Variants in EHD1 observed in about 807,000 individuals in gnomAD.
EHD1 encodes the protein EH domain containing 1, also known as EH domain-containing protein 1.
EHD1 carries 19 observed loss-of-function variants against 39.0 expected under a neutral mutation model. The observed-to-expected ratio is 0.49, with a 90% CI of 0.34 to 0.72. The LOEUF is 0.72. EHD1 is among the 30% of genes least tolerant of loss of function. The pLI, the probability that EHD1 is intolerant of heterozygous loss-of-function variation, is 0.01. For synonymous variants in EHD1, 323 were observed against 331.2 expected, an observed-to-expected ratio of 0.98 and a Z score of 0.27; for missense variants, 542 against 751.5, an observed-to-expected ratio of 0.72 and a Z score of 3.26.
chr11:64,878,542 G>A lies in EHD1; in HGVS notation c.-78C>T, dbSNP rs1265048948. The A allele has an allele frequency of 1.4e-6, 2 of 1,480,092 alleles. No homozygotes were observed. Among genetic ancestry groups the A allele is most frequent in the Non-Finnish European group, 1.8e-6 (2 of 1,119,320 alleles). The allele number at this position is 1,480,092 out of a possible 1,614,324, so 91.7% of individuals were successfully genotyped here. ...GGCGAGGGTGCGGAGCCGAGGCGGGGCCGGCCGGGGCAGGGAATCGGGAGC... is the reference window on the plus strand; with the variant it reads ...GGCGAGGGTGCGGAGCCGAGGCGGGACCGGCCGGGGCAGGGAATCGGGAGC... On this transcript the variant is annotated 5_prime_UTR_variant, in exon 1 of 5. Transcript: ENST00000320631.
chr11:64,876,256 T>G (rs554553844), intron 1 of EHD1, among the ~76,000 whole-genome samples: 2 of 152,036 alleles, frequency 1.3e-5, no homozygotes, highest in Non-Finnish European at 2.9e-5. Context: ...ACTCAATGAG[T>G]CTCTTCAAGA....
At chr11:64,870,982 C>T (rs1473759420) in intron 2 of EHD1, among the ~76,000 whole-genome samples, 1 of 152,224 alleles carries the variant, frequency 6.6e-6, no homozygotes, top group Non-Finnish European at 1.5e-5. Flanking sequence ...CTGACAGAGC[C>T]TGGCTGCATC....
chr11:64,877,583 G>A lies in EHD1; in HGVS notation c.404+478C>T, dbSNP rs192060212. Among the ~76,000 whole-genome samples, 185 of 152,334 alleles carry A rather than the reference G, an allele frequency of 1.2e-3. 2 individuals carry two copies. Among genetic ancestry groups the A allele is most frequent in the African/African-American group, 4.3e-3 (178 of 41,568 alleles). ...CCTCCTACACAAAACCACCGTCCCAGGGGAGGCAGAGCAGACCCACACCGC... is the reference window on the plus strand; with the variant it reads ...CCTCCTACACAAAACCACCGTCCCAAGGGAGGCAGAGCAGACCCACACCGC... On this transcript the variant is annotated intron_variant, in intron 1 of 4. Transcript: ENST00000320631.
intron 2 of EHD1, among the ~76,000 whole-genome samples, chr11:64,871,060 C>A (rs941004684): frequency 1.3e-5 from 2 of 152,072 alleles, no homozygotes; most frequent in African/African-American, 2.4e-5. Flanking sequence ...CACATTAGGA[C>A]CATGGGGAAA....
At chr11:64,859,671 C>T in intron 3 of EHD1, 1 of 517,790 alleles carries the variant, frequency 1.9e-6, no homozygotes, top group Non-Finnish European at 3.4e-6. Context: ...CAAACCCTTC[C>T]TGAAAGTAGA....
intron 2 of EHD1, among the ~76,000 whole-genome samples, chr11:64,867,580 G>A (rs899423480): frequency 3.3e-5 from 5 of 151,686 alleles, no homozygotes; most frequent in Non-Finnish European, 2.9e-5. Context: ...TTAGCTGGGC[G>A]TGGTGGCAGG....
At chr11:64,856,843 C>T (rs929905167) in intron 3 of EHD1, among the ~76,000 whole-genome samples, 2 of 152,344 alleles carry the variant, frequency 1.3e-5, no homozygotes, top group South Asian at 2.1e-4. Context: ...GTTTTCCAGG[C>T]GCGGTGACTC....
Position 64,852,128 on chromosome 11 carries a change from T to A in EHD1, c.*2205A>T, listed in dbSNP as rs1172370543. 1.3e-5 allele frequency: 2 copies of A among 152,312 alleles called. No homozygotes were observed. Among genetic ancestry groups the A allele is most frequent in the Non-Finnish European group, 2.9e-5 (2 of 68,100 alleles). The allele number at this position is 152,312 out of a possible 1,614,324, so 9.4% of individuals were successfully genotyped here. A position where few individuals can be genotyped will look rare whatever the true frequency, so the allele number is the denominator to read the frequency against. ...GAGGGGCTGGAGCAGCCTCTACCCA[T>A]GGCACCTCAAGTCTGCACCCTTTTA... On this transcript the variant is annotated 3_prime_UTR_variant, in exon 5 of 5. Transcript: ENST00000320631.
upstream of EHD1, chr11:64,879,671 C>A: frequency 6.4e-7 from 1 of 1,550,456 alleles, no homozygotes; most frequent in Non-Finnish European, 8.7e-7. Context: ...CACACACAGA[C>A]CCCTTTGGCT....
At chr11:64,859,846 C>T in intron 3 of EHD1, 78 bp downstream of exon 3, 1 of 1,527,628 alleles carries the variant, frequency 6.5e-7, no homozygotes, top group Non-Finnish European at 8.8e-7. Flanking sequence ...CTCGGGCAAT[C>T]CTGGGGCCCT....
At position 64,868,197 on chromosome 11, in the gene EHD1, T is replaced by C. The variant is rs957379960; in HGVS notation, c.502+6224A>G. Among the ~76,000 whole-genome samples, 2 of 152,222 alleles carry C rather than the reference T, an allele frequency of 1.3e-5. No homozygotes were observed. The highest frequency in any genetic ancestry group is 6.5e-5 in the Admixed American group (1 of 15,278). On this transcript the variant is annotated intron_variant, in intron 2 of 4. Coordinates refer to ENST00000320631, the MANE Select transcript of EHD1 (RefSeq NM_006795.4). The surrounding 1 kb of genome is among the most constrained non-coding windows in gnomAD (Gnocchi z 4.2). ...TCCAATCGACTTTTGTTTCCTGTCA[T>C]TCAAGCTGCGTGGGCTTCAGTATTT...
In EHD1 at chr11:64,878,583, G is replaced by A. The variant is rs1166056986; in HGVS notation, c.-119C>T. The A allele has an allele frequency of 2.8e-6, 4 of 1,443,430 alleles. No individual in the cohort carries two copies. In the African/African-American group the frequency reaches 5.7e-5, roughly 21 times the overall value. The allele number at this position is 1,443,430 out of a possible 1,614,324, so 89.4% of individuals were successfully genotyped here. ...AATCGGGAGCGACCCACACTGCGCA[G>A]GCGCACAGCCCAGCCCGTCGAAGCG... On this transcript the variant is annotated 5_prime_UTR_variant, in exon 1 of 5. Coordinates refer to ENST00000320631, the MANE Select transcript of EHD1 (RefSeq NM_006795.4).
chr11:64,859,899 C>G (rs1419268155), intron 3 of EHD1, 25 bp downstream of exon 3: 1 of 1,592,136 alleles, frequency 6.3e-7, no homozygotes, highest in Non-Finnish European at 8.6e-7. Context: ...TGGCAATAGG[C>G]TGCTCCCCTC....
At chr11:64,866,844 A>G (rs1370574210) in intron 2 of EHD1, among the ~76,000 whole-genome samples, 2 of 152,126 alleles carry the variant, frequency 1.3e-5, no homozygotes, top group East Asian at 3.8e-4. Flanking sequence ...TCCTGCCACA[A>G]AAGGACAGAT....
upstream of EHD1, chr11:64,878,797 C>T: frequency 8.3e-7 from 1 of 1,200,060 alleles, no homozygotes; most frequent in Non-Finnish European, 1.0e-6. Flanking sequence ...GATTCCAAAT[C>T]TCGCGAGGCT....
At chr11:64,862,391 C>G (rs1482769519) in intron 2 of EHD1, among the ~76,000 whole-genome samples, 1 of 152,180 alleles carries the variant, frequency 6.6e-6, no homozygotes, top group African/African-American at 2.4e-5. Flanking sequence ...ATTGCATTTC[C>G]CAGCCTCCTT....
rs975767437 is a variant in EHD1 at position 64,853,694 on chromosome 11, A to G, written c.*639T>C. The G allele has an allele frequency of 6.5e-6, 1 of 155,024 alleles. No individual in the cohort carries two copies. The highest frequency in any genetic ancestry group is 6.3e-5 in the Admixed American group (1 of 15,842). 9.6% of individuals were successfully genotyped at this position (155,024 alleles called of 1,614,324 possible). A position where few individuals can be genotyped will look rare whatever the true frequency, so the allele number is the denominator to read the frequency against. The stretch of plus-strand genomic sequence containing the variant: ...TCTCCTACTCCCCTGAACTCCCAAA[A>G]AAAGACCAAGGTGGCTGGGCCCTGC... On this transcript the variant is annotated 3_prime_UTR_variant, in exon 5 of 5. Coordinates refer to ENST00000320631, the MANE Select transcript of EHD1 (RefSeq NM_006795.4).
chr11:64,860,994 T>C (rs1157531119), intron 2 of EHD1, among the ~76,000 whole-genome samples: 1 of 128,766 alleles, frequency 7.8e-6, no homozygotes. Flanking sequence ...CACTCCAGCC[T>C]GGGCAACAGT....
chr11:64,859,987 T>C lies in EHD1; in HGVS notation c.852A>G (p.Ser284=), dbSNP rs1943695264. The C allele has an allele frequency of 2.5e-6, 4 of 1,613,818 alleles. No individual in the cohort carries two copies. The highest frequency in any genetic ancestry group is 3.4e-6 in the Non-Finnish European group (4 of 1,180,026). ...EEQDLFKDIQ[S]LPRNAALRKL... ...TCCTGAGGGCGGCGTTTCGGGGCAGTGACTGGATGTCCTTGAAGAGGTCCT... is the reference window on the plus strand; with the variant it reads ...TCCTGAGGGCGGCGTTTCGGGGCAGCGACTGGATGTCCTTGAAGAGGTCCT... Residue 284 remains serine (S), a synonymous_variant, in exon 3 of 5, where the codon TCA becomes TCG. Coordinates refer to ENST00000320631, the MANE Select transcript of EHD1 (RefSeq NM_006795.4).
Sources: allele counts gnomAD v4.1 joint callset (sites outside exome capture counted in the v4.1 genomes callset), GRCh38; gene constraint gnomAD v4.1.1; non-coding constraint Gnocchi (gnomAD v3.1); transcripts MANE v1.5; gene names NCBI Gene and HGNC (gene_info 2026-07-23, HGNC 2026-07-21).